NRG3: variants seen among roughly 807,000 people sequenced by gnomAD.
NRG3 encodes neuregulin 3.
Under a neutral mutation model 66.9 loss-of-function variants are expected in NRG3, and 31 were observed. The ratio of observed to expected loss-of-function variants is 0.46; its 90% CI spans 0.35 to 0.63. The LOEUF (loss-of-function observed/expected upper bound fraction) is 0.63, where lower values mean the gene tolerates loss of function less well. Among genes scored for constraint, NRG3 ranks in the 20% least tolerant of loss-of-function variants. The pLI is 0.00. For synonymous variants in NRG3, 393 were observed against 359.4 expected (o/e 1.09, Z -1.06); for missense variants, 910 against 878.9 (o/e 1.04, Z -0.45).
chr10:82,420,249 T>C (rs868406055), intron 2 of NRG3, among the ~76,000 whole-genome samples: 1 of 152,168 alleles, frequency 6.6e-6, no homozygotes, highest in Non-Finnish European at 1.5e-5. Flanking sequence ...TCACACTAAG[T>C]CTGTGGCACA....
chr10:82,069,759 A>G (rs754902309), intron 1 of NRG3, among the ~76,000 whole-genome samples: 1 of 152,250 alleles, frequency 6.6e-6, no homozygotes, highest in Non-Finnish European at 1.5e-5. Context: ...GAGAAGTTTC[A>G]TATTGAAATA....
In NRG3 at chr10:82,233,948, C is replaced by T. The variant is rs554834090; in HGVS notation, c.824-124791C>T. ...CACTATCACCCTGCACCAAGCAAGC[C>T]GCTTTCATCTTACCCCTTTTCTGTC... is the stretch of plus-strand genomic sequence containing the variant. On this transcript the variant is annotated intron_variant, in intron 1 of 8. Transcript: ENST00000372141. 3.9e-5 allele frequency among the ~76,000 whole-genome samples: 6 copies of T among 152,226 alleles called. No homozygotes were observed. The East Asian group carries it at 7.7e-4, about 20-fold the overall frequency.
Position 82,953,997 on chromosome 10 carries a change from A to C in NRG3, c.1157+2426A>C, listed in dbSNP as rs751584947. Among the ~76,000 whole-genome samples the C allele has an allele frequency of 5.9e-5, 9 of 151,576 alleles. 1 individual carries two copies. ...AATGCAATCACAGTGTAAAGGGCAT[A>C]GCAAAGTGTTTAAAAGAGTAAATAC... On this transcript the variant is annotated intron_variant, in intron 5 of 8. Coordinates refer to ENST00000372141, the MANE Select transcript of NRG3 (RefSeq NM_001010848.4).
At chr10:82,855,122 G>C (rs1029587520) in intron 3 of NRG3, among the ~76,000 whole-genome samples, 12 of 152,124 alleles carry the variant, frequency 7.9e-5, no homozygotes, top group African/African-American at 2.7e-4. Context: ...GTGGAGTGCA[G>C]CTCAGAGCAG....
At chr10:82,797,245 A>G (rs2060838533) in intron 3 of NRG3, among the ~76,000 whole-genome samples, 1 of 152,178 alleles carries the variant, frequency 6.6e-6, no homozygotes, top group Non-Finnish European at 1.5e-5. Flanking sequence ...CATCACTGCC[A>G]TAGAAATGGG....
Position 82,309,829 on chromosome 10 carries a change from A to G in NRG3, c.824-48910A>G, listed in dbSNP as rs57414261. On this transcript the variant is annotated intron_variant, in intron 1 of 8. Transcript: ENST00000372141. The stretch of plus-strand genomic sequence containing the variant: ...GTAAATTGGAAGGTGTTCTAAGCCA[A>G]CATGTAAACTCAGCATCTGCCAATG... Among the ~76,000 whole-genome samples, 67 of 152,326 alleles carry G rather than the reference A, an allele frequency of 4.4e-4. No individual in the cohort carries two copies. The East Asian group carries it at 0.013, about 29-fold the overall frequency.
At chr10:82,117,923 C>G (rs2067826997) in intron 1 of NRG3, among the ~76,000 whole-genome samples, 1 of 152,158 alleles carries the variant, frequency 6.6e-6, no homozygotes, top group Admixed American at 6.6e-5. Context: ...ATTACTTGAT[C>G]ATTCAACCTC....
At chr10:82,150,528 CACAAA>C (rs1337356040) in intron 1 of NRG3, among the ~76,000 whole-genome samples, 8,711 of 51,178 alleles carry the variant, frequency 0.17, 234 homozygotes, top group South Asian at 0.19. Flanking sequence ...AAAGAGCACA[CACAAA>C]AAAAAAAAAA....
chr10:82,200,286 T>TA lies in NRG3; in HGVS notation c.824-158452dup, dbSNP rs1184240217. The stretch of plus-strand genomic sequence containing the variant: ...GCAGCAGCAGTGGTTCAGTAATACT[T>TA]ACTGACTCCTGTACCAGACTGGATA... On this transcript the variant is annotated intron_variant, in intron 1 of 8. Coordinates refer to ENST00000372141, the MANE Select transcript of NRG3 (RefSeq NM_001010848.4). 1.2e-4 allele frequency among the ~76,000 whole-genome samples: 18 copies of TA among 152,288 alleles called. No homozygotes were observed. The East Asian group carries it at 3.3e-3, about 28-fold the overall frequency.
chr10:82,885,555 A>C (rs1484034132), intron 4 of NRG3, among the ~76,000 whole-genome samples: 4 of 152,236 alleles, frequency 2.6e-5, no homozygotes, highest in Non-Finnish European at 5.9e-5. Context: ...AGTGAGACTG[A>C]AGTAATTAAG....
chr10:82,038,821 C>T (rs1244289710), intron 1 of NRG3, among the ~76,000 whole-genome samples: 1 of 152,064 alleles, frequency 6.6e-6, no homozygotes, highest in African/African-American at 2.4e-5. Context: ...CCCAGTTCAT[C>T]AAACTGGTTT....
At chr10:82,690,494 CATAA>C (rs1273571836) in intron 2 of NRG3, among the ~76,000 whole-genome samples, 2 of 152,028 alleles carry the variant, frequency 1.3e-5, no homozygotes, top group Non-Finnish European at 2.9e-5. Flanking sequence ...AAATATTTCA[CATAA>C]ATAATATGTT....
intron 1 of NRG3, among the ~76,000 whole-genome samples, chr10:82,222,681 G>A (rs530717847): frequency 1.4e-3 from 215 of 152,118 alleles, no homozygotes; most frequent in Non-Finnish European, 2.6e-3. Flanking sequence ...ATCCCTGCAA[G>A]CTCTTTATTT....
intron 1 of NRG3, among the ~76,000 whole-genome samples, chr10:82,349,573 T>G (rs1219631286): frequency 6.6e-6 from 1 of 152,018 alleles, no homozygotes; most frequent in Non-Finnish European, 1.5e-5. Context: ...CAGGCCTCCT[T>G]GAGCTGTGGT....
At chr10:82,300,210 A>G (rs1011838164) in intron 1 of NRG3, among the ~76,000 whole-genome samples, 5 of 150,130 alleles carry the variant, frequency 3.3e-5, no homozygotes, top group Non-Finnish European at 7.4e-5. Flanking sequence ...TTGATGGGTG[A>G]AATTGATATG....
chr10:82,340,215 A>T (rs1441303711), intron 1 of NRG3, among the ~76,000 whole-genome samples: 1 of 152,186 alleles, frequency 6.6e-6, no homozygotes, highest in East Asian at 1.9e-4. Context: ...AAGTAAAAAC[A>T]TATTTCCTAT....
At chr10:82,920,606 C>G (rs562217245) in intron 4 of NRG3, among the ~76,000 whole-genome samples, 1 of 152,220 alleles carries the variant, frequency 6.6e-6, no homozygotes, top group South Asian at 2.1e-4. Context: ...AAACTATTTT[C>G]CAATTTTTAC....
intron 2 of NRG3, among the ~76,000 whole-genome samples, chr10:82,643,021 C>A (rs1752893899): frequency 6.6e-6 from 1 of 152,054 alleles, no homozygotes; most frequent in African/African-American, 2.4e-5. Flanking sequence ...ACAAGATAAC[C>A]ATTTATTATA....
At chr10:82,376,889 A>G (rs765037728) in intron 2 of NRG3, among the ~76,000 whole-genome samples, 58 of 152,266 alleles carry the variant, frequency 3.8e-4, no homozygotes, top group Non-Finnish European at 6.9e-4. Context: ...CTTCATTGCA[A>G]TCTGTACATG....
Sources: allele counts gnomAD v4.1 joint callset (sites outside exome capture counted in the v4.1 genomes callset), GRCh38; gene constraint gnomAD v4.1.1; transcripts MANE v1.5; gene names NCBI Gene and HGNC (gene_info 2026-07-23, HGNC 2026-07-21).